ARL10: variants seen among roughly 807,000 people sequenced by gnomAD.
ARL10 encodes ARF like GTPase 10.
A neutral mutation model predicts 26.1 loss-of-function variants in ARL10; 23 were observed. That is an observed-to-expected ratio of 0.88 (90% CI 0.63 to 1.25). The LOEUF (loss-of-function observed/expected upper bound fraction) is 1.25. Among genes scored for constraint, ARL10 ranks in the 50% most tolerant of loss-of-function variants. The pLI is 0.00. For synonymous variants in ARL10, 138 were observed against 149.1 expected (o/e 0.93, Z 0.54); for missense variants, 300 against 323.6 (o/e 0.93, Z 0.56).
chr5:176,405,264 G>GGACT (rs1351467807), downstream of ARL10, among the ~76,000 whole-genome samples: 4 of 152,064 alleles, frequency 2.6e-5, no homozygotes, highest in Non-Finnish European at 5.9e-5. Context: ...CTGAGCAGGA[G>GGACT]GACTGCTTGA....
the ARL10 span, chr5:176,410,392 C>CTG: frequency 3.0e-6 from 3 of 1,014,942 alleles, no homozygotes; most frequent in Non-Finnish European, 4.6e-6. Context: ...AACCCAAACT[C>CTG]TGTGTATACC....
At chr5:176,406,767 T>C, downstream of ARL10, 14 of 1,232,042 alleles carry the variant, frequency 1.1e-5, no homozygotes, top group Non-Finnish European at 1.5e-5. Context: ...TTGAAAGTGT[T>C]GGGTGTGCAC....
At chr5:176,394,530 GGGTGTGGCCA>G (rs1202822670) in intron 1 of ARL10, among the ~76,000 whole-genome samples, 3 of 151,866 alleles carry the variant, frequency 2.0e-5, no homozygotes, top group Admixed American at 1.3e-4. Context: ...AAAATTAGCT[GGGTGTGGCCA>G]GGCGCGGTGG....
exon 2 of ARL10, chr5:176,401,848 T>TCA (rs1561795063): frequency 4.5e-6 from 2 of 448,010 alleles, no homozygotes; most frequent in Non-Finnish European, 9.0e-6. Flanking sequence ...GTGCAAGTCA[T>TCA]CAGCAGGGCC....
rs542731619 is a variant in ARL10 at position 176,372,213 on chromosome 5, C to T, written c.*318C>T. On this transcript the variant is annotated 3_prime_UTR_variant, in exon 4 of 4. Coordinates refer to ENST00000310389, the MANE Select transcript of ARL10 (RefSeq NM_173664.6). ...TGAGATGCTCAGTGGGCTCAATCCT[C>T]CACTACAGGTCCCGGTACCTGAGGA... The T allele has an allele frequency of 1.0e-4, 58 of 565,256 alleles. No individual in the cohort carries two copies. The highest frequency in any genetic ancestry group is 1.4e-4 in the Non-Finnish European group (55 of 397,608). 35.0% of individuals were successfully genotyped at this position (565,256 alleles called of 1,614,324 possible).
the ARL10 span, among the ~76,000 whole-genome samples, chr5:176,411,372 C>T: frequency 6.6e-6 from 1 of 152,106 alleles, no homozygotes. Flanking sequence ...TTCCCATGGA[C>T]CACAGTGGCC....
At chr5:176,402,179 G>A (rs958726640), downstream of ARL10, among the ~76,000 whole-genome samples, 1 of 152,118 alleles carries the variant, frequency 6.6e-6, no homozygotes, top group African/African-American at 2.4e-5. Context: ...GCGGACGCCT[G>A]TAATCCCAGC....
chr5:176,406,021 G>T, downstream of ARL10: 1 of 406,718 alleles, frequency 2.5e-6, no homozygotes, highest in Non-Finnish European at 3.3e-6. Context: ...TGGTGCTGCT[G>T]GCAGGCAAAG....
In ARL10 at chr5:176,378,398, A is replaced by G. The variant is rs776126066; in HGVS notation, c.*6503A>G. 6 of 152,258 alleles carry G rather than the reference A, an allele frequency of 3.9e-5. No homozygotes were observed. The highest frequency in any genetic ancestry group is 8.8e-5 in the Non-Finnish European group (6 of 68,048). The allele number at this position is 152,258 out of a possible 1,614,324, so 9.4% of individuals were successfully genotyped here. A position where few individuals can be genotyped will look rare whatever the true frequency, so the allele number is the denominator to read the frequency against. ...TTTATTTTTCACCTTTACTCAAGAT[A>G]GCTTGGAACTTATACCAATTTGTGA... is the stretch of plus-strand genomic sequence containing the variant. On this transcript the variant is annotated 3_prime_UTR_variant, in exon 4 of 4. Coordinates refer to ENST00000310389, the MANE Select transcript of ARL10 (RefSeq NM_173664.6).
At chr5:176,396,185 A>G (rs1756513537) in intron 1 of ARL10, among the ~76,000 whole-genome samples, 1 of 152,092 alleles carries the variant, frequency 6.6e-6, no homozygotes, top group Admixed American at 6.5e-5. Context: ...GACATCACAG[A>G]GGGAGGGAGT....
intron 2 of ARL10, 28 bp downstream of exon 2, chr5:176,366,609 C>T (rs768246399): frequency 1.9e-6 from 3 of 1,610,898 alleles, no homozygotes; most frequent in Non-Finnish European, 1.7e-6. Flanking sequence ...CCCATCTCCC[C>T]GTCTCCTCTA....
chr5:176,366,028 C>T (rs375413770), intron 1 of ARL10, among the ~76,000 whole-genome samples: 1 of 152,290 alleles, frequency 6.6e-6, no homozygotes, highest in African/African-American at 2.4e-5. Flanking sequence ...GTTTGGAGGG[C>T]GCGGCTCGGG....
downstream of ARL10, chr5:176,386,905 T>C: frequency 1.2e-6 from 2 of 1,613,972 alleles, no homozygotes; most frequent in Non-Finnish European, 1.7e-6. Flanking sequence ...CTCCATGGCC[T>C]TCACCTGCAG....
At chr5:176,389,229 C>T (rs967177007), downstream of ARL10, 4 of 1,392,616 alleles carry the variant, frequency 2.9e-6, no homozygotes, top group East Asian at 4.6e-5. Context: ...CCTCCCTCCG[C>T]TGTGATCCAG....
At chr5:176,397,824 C>A in intron 1 of ARL10, 1 of 1,481,974 alleles carries the variant, frequency 6.7e-7, no homozygotes, top group Non-Finnish European at 9.4e-7. Context: ...CCGCACCGGC[C>A]CAGTCCCACA....
At chr5:176,382,901 C>A (rs1375275110), downstream of ARL10, among the ~76,000 whole-genome samples, 3 of 152,216 alleles carry the variant, frequency 2.0e-5, no homozygotes, top group Admixed American at 2.0e-4. Flanking sequence ...CTGTGGAGGA[C>A]ATAAGATGGG....
the ARL10 span, among the ~76,000 whole-genome samples, chr5:176,414,810 AT>A: frequency 6.6e-6 from 1 of 152,142 alleles, no homozygotes; most frequent in African/African-American, 2.4e-5. Flanking sequence ...TACATTTCTC[AT>A]ATCAAGGAGA....
the ARL10 span, among the ~76,000 whole-genome samples, chr5:176,411,093 C>G: frequency 2.0e-5 from 3 of 152,254 alleles, no homozygotes; most frequent in Non-Finnish European, 4.4e-5. Context: ...GTGTCTCTTT[C>G]TCTTCTCCTG....
the ARL10 span, among the ~76,000 whole-genome samples, chr5:176,413,513 T>C: frequency 6.6e-6 from 1 of 152,202 alleles, no homozygotes; most frequent in African/African-American, 2.4e-5. Context: ...AGCACAGGCC[T>C]ACACCAGATA....
Sources: allele counts gnomAD v4.1 joint callset (sites outside exome capture counted in the v4.1 genomes callset), GRCh38; gene constraint gnomAD v4.1.1; transcripts MANE v1.5; gene names NCBI Gene and HGNC (gene_info 2026-07-23, HGNC 2026-07-21).